Variants in RBFOX1 observed in about 807,000 individuals in gnomAD.
The protein encoded by RBFOX1 is RNA binding fox-1 homolog 1.
In RBFOX1, 8 loss-of-function variants were observed where a neutral mutation model predicts 57.7. That is an observed-to-expected ratio of 0.14 (90% CI 0.08 to 0.25). The LOEUF (loss-of-function observed/expected upper bound fraction) is 0.25, where lower values mean the gene tolerates loss of function less well. RBFOX1 is among the 10% of genes least tolerant of loss of function. RBFOX1 has a pLI of 1.00. For missense variants in RBFOX1, 611 were observed against 548.5 expected, an observed-to-expected ratio of 1.11 and a Z score of -1.14; for synonymous variants, 326 against 222.4, an observed-to-expected ratio of 1.47 and a Z score of -4.15.
At position 5,856,767 on chromosome 16, in the gene RBFOX1, A is replaced by C. The variant is rs543757763; in HGVS notation, c.319-10536A>C. 3.0e-3 allele frequency among the ~76,000 whole-genome samples: 448 copies of C among 151,168 alleles called. 3 individuals are homozygous for C. Among genetic ancestry groups the C allele is most frequent in the Middle Eastern group, 0.024 (7 of 294 alleles). Reference sequence around the variant, plus strand: ...CAGCTTCCTACCATTCTCAGCCTTCATAGAATTGAAGAGAGTTAGGGTCTT... The same window carrying C: ...CAGCTTCCTACCATTCTCAGCCTTCCTAGAATTGAAGAGAGTTAGGGTCTT... On this transcript the variant is annotated intron_variant, in intron 3 of 19. Coordinates refer to the RBFOX1 transcript ENST00000641259.
intron 1 of RBFOX1, among the ~76,000 whole-genome samples, chr16:5,433,900 A>G (rs530971767): frequency 1.3e-5 from 2 of 152,308 alleles, no homozygotes; most frequent in East Asian, 1.9e-4. Flanking sequence ...TAGAGACAAG[A>G]CAACAACCCT....
chr16:6,142,189 CAAAAAAAAAAAA>C lies in RBFOX1; in HGVS notation c.-127+122213_-127+122224del, dbSNP rs71142685. Among the ~76,000 whole-genome samples the C allele has an allele frequency of 1.8e-3, 86 of 49,096 alleles. No homozygotes were observed. In the South Asian group the frequency reaches 0.066, roughly 37 times the overall value. The allele number at this position is 49,096 out of a possible 152,430, so 32.2% of individuals were successfully genotyped here. A position where few individuals can be genotyped will look rare whatever the true frequency, so the allele number is the denominator to read the frequency against. On this transcript the variant is annotated intron_variant, in intron 1 of 15. Coordinates refer to ENST00000550418, the MANE Select transcript of RBFOX1 (RefSeq NM_018723.4). ...TCAGAGATCCTTGTTGCTGCTGCTG[CAAAAAAAAAAAA>C]AAAAAAAAAAAAAAATCCAACTCTT...
At chr16:7,568,555 A>G (rs148676292) in intron 5 of RBFOX1, among the ~76,000 whole-genome samples, 2 of 152,144 alleles carry the variant, frequency 1.3e-5, no homozygotes, top group Non-Finnish European at 2.9e-5. Context: ...TATTACCTGT[A>G]TCTTGTGCTG....
At chr16:6,491,376 C>T (rs1445541089) in intron 2 of RBFOX1, among the ~76,000 whole-genome samples, 2 of 151,946 alleles carry the variant, frequency 1.3e-5, no homozygotes, top group Non-Finnish European at 2.9e-5. Context: ...CCTTGTATGC[C>T]ATTAAAAAGA....
intron 1 of RBFOX1, among the ~76,000 whole-genome samples, chr16:6,040,178 T>C: frequency 6.6e-6 from 1 of 152,264 alleles, no homozygotes; most frequent in East Asian, 1.9e-4. Context: ...TGATTCTATA[T>C]TTTTAATGTT....
intron 4 of RBFOX1, among the ~76,000 whole-genome samples, chr16:5,992,048 G>A (rs2060409250): frequency 6.6e-6 from 1 of 152,058 alleles, no homozygotes; most frequent in Admixed American, 6.6e-5. Context: ...ACAAAGTTAT[G>A]GGCTGAGCTT....
intron 3 of RBFOX1, among the ~76,000 whole-genome samples, chr16:6,907,283 A>T (rs562756307): frequency 1.3e-5 from 2 of 152,146 alleles, no homozygotes; most frequent in Non-Finnish European, 2.9e-5. Context: ...AGTGAGAGTC[A>T]TCTTTACCGA....
intron 2 of RBFOX1, among the ~76,000 whole-genome samples, chr16:5,580,084 T>G (rs975991665): frequency 2.0e-5 from 3 of 152,180 alleles, no homozygotes; most frequent in Non-Finnish European, 4.4e-5. Context: ...AGTTAATTCT[T>G]TATCTGCTCA....
intron 3 of RBFOX1, among the ~76,000 whole-genome samples, chr16:6,720,915 T>A (rs2065866094): frequency 6.6e-6 from 1 of 152,172 alleles, no homozygotes; most frequent in South Asian, 2.1e-4. Context: ...GCTACCATGT[T>A]ATTAATTGGT....
In RBFOX1 at chr16:6,001,862, T is replaced by C. The variant is rs115600813; in HGVS notation, c.351+134527T>C. Among the ~76,000 whole-genome samples, 577 of 152,206 alleles carry C rather than the reference T, an allele frequency of 3.8e-3. 7 individuals carry two copies. The highest frequency in any genetic ancestry group is 0.014 in the African/African-American group (565 of 41,534). ...GAATATCCAATGGGACTCAGAACCC[T>C]CTGAGGCCCTCCTCATTCCCTCTTC... On this transcript the variant is annotated intron_variant, in intron 4 of 19. Transcript: ENST00000641259.
At chr16:7,493,617 C>G (rs1337536592) in intron 4 of RBFOX1, among the ~76,000 whole-genome samples, 1 of 152,128 alleles carries the variant, frequency 6.6e-6, no homozygotes, top group Non-Finnish European at 1.5e-5. Flanking sequence ...ATAACAGAAT[C>G]AGAAACTGGA....
chr16:7,172,668 A>C (rs934351912), intron 4 of RBFOX1, among the ~76,000 whole-genome samples: 2 of 152,204 alleles, frequency 1.3e-5, no homozygotes, highest in Non-Finnish European at 2.9e-5. Flanking sequence ...CAACAGAGGC[A>C]GCACAAGGCT....
At chr16:7,179,605 T>A (rs767872974) in intron 4 of RBFOX1, among the ~76,000 whole-genome samples, 14 of 145,536 alleles carry the variant, frequency 9.6e-5, no homozygotes, top group Non-Finnish European at 1.6e-4. Flanking sequence ...CTTTTTTTTT[T>A]ATATATTAAA....
chr16:7,530,474 C>T lies in RBFOX1; in HGVS notation c.270+12085C>T, dbSNP rs9926491. 2.6e-3 allele frequency among the ~76,000 whole-genome samples: 395 copies of T among 151,490 alleles called. 2 individuals carry two copies. Among genetic ancestry groups the T allele is most frequent in the African/African-American group, 9.3e-3 (384 of 41,248 alleles). Reference sequence around the variant, plus strand: ...CCAGAGGTTTCAGCCACAAGTGGGCCTTATTCTCACAAAGACTTCCAGACT... The same window carrying T: ...CCAGAGGTTTCAGCCACAAGTGGGCTTTATTCTCACAAAGACTTCCAGACT... On this transcript the variant is annotated intron_variant, in intron 5 of 15. Coordinates refer to ENST00000550418, the MANE Select transcript of RBFOX1 (RefSeq NM_018723.4).
At chr16:5,521,297 C>A (rs1416945405) in intron 2 of RBFOX1, among the ~76,000 whole-genome samples, 1 of 138,362 alleles carries the variant, frequency 7.2e-6, no homozygotes, top group Non-Finnish European at 1.5e-5. Context: ...CTCAAGTTTG[C>A]ACAACTGCTG....
chr16:6,092,557 A>G (rs1261085750), intron 1 of RBFOX1: 1 of 152,206 alleles, frequency 6.6e-6, no homozygotes, highest in Non-Finnish European at 1.5e-5. Flanking sequence ...TCATGAGTTT[A>G]TTTTTGTATA....
chr16:7,472,293 CCA>C (rs1202973421), intron 4 of RBFOX1, among the ~76,000 whole-genome samples: 4,172 of 147,432 alleles, frequency 0.028, 171 homozygotes, highest in African/African-American at 0.097. Flanking sequence ...ACATGGAGTA[CCA>C]TGTATTTACC....
At chr16:7,320,440 G>A (rs2096526271) in intron 4 of RBFOX1, among the ~76,000 whole-genome samples, 1 of 152,130 alleles carries the variant, frequency 6.6e-6, no homozygotes, top group African/African-American at 2.4e-5. Flanking sequence ...AGTATTCCAT[G>A]GTGGGTATGT....
chr16:7,646,340 G>T (rs35273069), intron 11 of RBFOX1, among the ~76,000 whole-genome samples: 1 of 152,170 alleles, frequency 6.6e-6, no homozygotes, highest in Non-Finnish European at 1.5e-5. Context: ...CATGGAATGG[G>T]AGTTCCCCCA....
Sources: gnomAD v4.1 joint callset for allele counts (sites outside exome capture counted in the v4.1 genomes callset) on GRCh38, gnomAD v4.1.1 for gene constraint, MANE v1.5 for transcripts, NCBI Gene and HGNC (gene_info 2026-07-23, HGNC 2026-07-21) for gene names.